The following NMNAT2 variants were observed in gnomAD, a reference collection of about 807,000 sequenced individuals.
The protein encoded by NMNAT2 is nicotinamide/nicotinic acid mononucleotide adenylyltransferase 2.
A neutral mutation model predicts 41.6 loss-of-function variants in NMNAT2; 11 were observed. The ratio of observed to expected loss-of-function variants is 0.26; its 90% CI spans 0.17 to 0.44. NMNAT2 has a LOEUF of 0.44. NMNAT2 is among the 20% of genes least tolerant of loss of function. The pLI is 1.00. For missense variants in NMNAT2, 288 were observed against 407.7 expected, an observed-to-expected ratio of 0.71 and a Z score of 2.53; for synonymous variants, 148 against 151.2, an observed-to-expected ratio of 0.98 and a Z score of 0.16.
chr1:183,398,445 C>T (rs970902052), intron 1 of NMNAT2, among the ~76,000 whole-genome samples: 1 of 152,126 alleles, frequency 6.6e-6, no homozygotes, highest in Admixed American at 6.5e-5. Flanking sequence ...GACTTAGACT[C>T]CCACACAATA....
intron 1 of NMNAT2, among the ~76,000 whole-genome samples, chr1:183,348,539 G>C (rs1338920276): frequency 6.6e-6 from 1 of 152,176 alleles, no homozygotes; most frequent in Non-Finnish European, 1.5e-5. Context: ...AGGAGATTGG[G>C]GGTGTGGGGG....
chr1:183,283,561 A>G, intron 7 of NMNAT2: 1 of 299,978 alleles, frequency 3.3e-6, no homozygotes, highest in Non-Finnish European at 6.5e-6. Context: ...CCTCTGCCCA[A>G]GGCTGCAAGG....
chr1:183,362,097 C>T (rs1235529081), intron 1 of NMNAT2, among the ~76,000 whole-genome samples: 1 of 152,074 alleles, frequency 6.6e-6, no homozygotes, highest in Non-Finnish European at 1.5e-5. Context: ...TGCCACCACG[C>T]CTGGCTAATT....
intron 7 of NMNAT2, among the ~76,000 whole-genome samples, chr1:183,278,957 G>A (rs1180707481): frequency 1.3e-5 from 2 of 152,244 alleles, no homozygotes; most frequent in African/African-American, 4.8e-5. Flanking sequence ...TATTGTAACT[G>A]TGGCTGAGCC....
At chr1:183,354,287 G>A (rs1663132388) in intron 1 of NMNAT2, among the ~76,000 whole-genome samples, 2 of 151,950 alleles carry the variant, frequency 1.3e-5, no homozygotes, top group South Asian at 4.1e-4. Context: ...AGGACAATGA[G>A]TAAGGTTAGA....
intron 1 of NMNAT2, among the ~76,000 whole-genome samples, chr1:183,307,014 G>A (rs966606744): frequency 2.0e-5 from 3 of 152,134 alleles, no homozygotes; most frequent in African/African-American, 7.2e-5. Context: ...ACTCCTTGGG[G>A]AGGAAAGTAG....
intron 1 of NMNAT2, among the ~76,000 whole-genome samples, chr1:183,401,185 C>T (rs1164489482): frequency 2.6e-5 from 4 of 152,130 alleles, no homozygotes; most frequent in Non-Finnish European, 5.9e-5. Context: ...GGCTAATATC[C>T]AGAATCTACA....
intron 8 of NMNAT2, 56 bp downstream of exon 8, chr1:183,278,497 C>T (rs1661183130): frequency 7.9e-7 from 1 of 1,261,172 alleles, no homozygotes; most frequent in Non-Finnish European, 1.2e-6. Context: ...ATCAAATGCA[C>T]ACTTCCCATC....
chr1:183,335,290 A>G (rs1662660308), intron 1 of NMNAT2, among the ~76,000 whole-genome samples: 1 of 152,216 alleles, frequency 6.6e-6, no homozygotes, highest in South Asian at 2.1e-4. Context: ...TAGAAACAAC[A>G]TGGTCTCTTT....
chr1:183,393,776 G>A lies in NMNAT2; in HGVS notation c.85+24407C>T, dbSNP rs867072002. Among the ~76,000 whole-genome samples the A allele has an allele frequency of 1.7e-4, 26 of 152,208 alleles. No individual in the cohort carries two copies. The Middle Eastern group carries it at 0.01, about 60-fold the overall frequency. ...TCACCATGTTGGCCAGGCTGGTCTC[G>A]AACTCCTGACCTCAGGTAATCCTCC... On this transcript the variant is annotated intron_variant, in intron 1 of 10. Transcript: ENST00000287713.
intron 1 of NMNAT2, among the ~76,000 whole-genome samples, chr1:183,306,671 A>G (rs1661999062): frequency 6.6e-6 from 1 of 152,234 alleles, no homozygotes. Flanking sequence ...TTTCTCTAAG[A>G]AACCTGAAAG....
chr1:183,382,605 T>A (rs1663825854), intron 1 of NMNAT2, among the ~76,000 whole-genome samples: 1 of 152,220 alleles, frequency 6.6e-6, no homozygotes, highest in Non-Finnish European at 1.5e-5. Flanking sequence ...GGTATAGGCA[T>A]TGGGTAAATA....
intron 10 of NMNAT2, among the ~76,000 whole-genome samples, chr1:183,254,192 A>G (rs192476025): frequency 2.0e-4 from 30 of 152,286 alleles, no homozygotes; most frequent in Admixed American, 1.9e-3. Context: ...GTACCAATCT[A>G]CATTCCCACC....
At chr1:183,352,562 CAAAAAAAAAAAAAA>C (rs55706245) in intron 1 of NMNAT2, among the ~76,000 whole-genome samples, 5 of 79,162 alleles carry the variant, frequency 6.3e-5, no homozygotes, top group African/African-American at 2.5e-4. Flanking sequence ...CAGTCTGTCT[CAAAAAAAAAAAAAA>C]AAAAAAAAAA....
chr1:183,264,065 A>T (rs1458545313), intron 8 of NMNAT2, among the ~76,000 whole-genome samples: 1 of 152,178 alleles, frequency 6.6e-6, no homozygotes, highest in Admixed American at 6.5e-5. Context: ...GCTGGTATCC[A>T]TGGGGATTCC....
At chr1:183,297,382 C>G (rs1190742099) in intron 1 of NMNAT2, among the ~76,000 whole-genome samples, 2 of 101,254 alleles carry the variant, frequency 2.0e-5, no homozygotes, top group Admixed American at 2.2e-4. Flanking sequence ...AGGAAGGAAC[C>G]CTTTTTTTTT....
rs1468861250 is a variant in NMNAT2, at chr1:183,389,835, AG to A, written c.85+28347del. Among the ~76,000 whole-genome samples, 25 of 70,208 alleles carry A rather than the reference AG, an allele frequency of 3.6e-4. 4 individuals are homozygous for A. Among genetic ancestry groups the A allele is most frequent in the Non-Finnish European group, 6.5e-4 (21 of 32,540 alleles). The allele number at this position is 70,208 out of a possible 152,430, so 46.1% of individuals were successfully genotyped here. A position where few individuals can be genotyped will look rare whatever the true frequency, so the allele number is the denominator to read the frequency against. On this transcript the variant is annotated intron_variant, in intron 1 of 10. Coordinates refer to ENST00000287713, the MANE Select transcript of NMNAT2 (RefSeq NM_015039.4). ...AAGAAAGAAAGAAAGAAAGAAAGAA[AG>A]AAAGAAAGGAAAAAAGAGAAAGAAA...
Position 183,290,122 on chromosome 1 carries a change from G to C in NMNAT2, c.321+6C>G. 1 of 1,570,084 alleles carries C rather than the reference G, an allele frequency of 6.4e-7. No individual in the cohort carries two copies. The highest frequency in any genetic ancestry group is 8.6e-7 in the Non-Finnish European group (1 of 1,156,336). ...TTCACGCATCCCCAGGCTTGGCCCA[G>C]CTCACCTTCATGAGGTCCCGGTGGT... On this transcript the variant is annotated splice_donor_region_variant and intron_variant, in intron 4 of 10. Transcript: ENST00000287713.
At chr1:183,295,195 G>C (rs1661656209) in intron 1 of NMNAT2, among the ~76,000 whole-genome samples, 1 of 152,086 alleles carries the variant, frequency 6.6e-6, no homozygotes, top group Admixed American at 6.6e-5. Flanking sequence ...GTAGAGACGG[G>C]TTCCACGTGT....
Sources: gnomAD v4.1 joint callset for allele counts (sites outside exome capture counted in the v4.1 genomes callset) on GRCh38, gnomAD v4.1.1 for gene constraint, MANE v1.5 for transcripts, NCBI Gene and HGNC (gene_info 2026-07-23, HGNC 2026-07-21) for gene names.